BDP1: variants seen among roughly 807,000 people sequenced by gnomAD.
BDP1 encodes transcription factor TFIIIB component B'' homolog.
Under a neutral mutation model 266.6 loss-of-function variants are expected in BDP1, and 169 were observed. The observed-to-expected ratio is 0.63, with a 90% CI of 0.56 to 0.72. BDP1 has a LOEUF of 0.72. Ranked by LOEUF, BDP1 falls within the 30% of genes least tolerant of loss-of-function variation. The probability of loss-of-function intolerance (pLI) is 0.00; values close to 1 mark genes in which losing one functional copy is unlikely to be tolerated. For missense variants in BDP1, 3,015 were observed against 3,053.8 expected (o/e 0.99, Z 0.30); for synonymous variants, 1,090 against 1,022.4 (o/e 1.07, Z -1.26).
At chr5:71,489,786 C>CA in intron 10 of BDP1, 104 bp downstream of exon 10, 24 of 937,460 alleles carry the variant, frequency 2.6e-5, no homozygotes, top group South Asian at 5.1e-5. Flanking sequence ...ATTAATGATG[C>CA]TTATTAATTG....
intron 22 of BDP1, among the ~76,000 whole-genome samples, chr5:71,520,551 T>C (rs1201048714): frequency 1.3e-5 from 2 of 152,214 alleles, no homozygotes; most frequent in African/African-American, 4.8e-5. Context: ...TTCTCCTAAT[T>C]ACTAATTATG....
chr5:71,474,285 A>T (rs1196798515), intron 7 of BDP1, among the ~76,000 whole-genome samples: 9 of 148,184 alleles, frequency 6.1e-5, no homozygotes, highest in Non-Finnish European at 1.3e-4. Flanking sequence ...TGGCCTGTAC[A>T]TTTCCTTTTA....
At chr5:71,575,214 T>G in the BDP1 span, among the ~76,000 whole-genome samples, 2 of 152,148 alleles carry the variant, frequency 1.3e-5, no homozygotes, top group East Asian at 3.8e-4. Flanking sequence ...GTGGAAAAGG[T>G]CTGGGGAGGT....
At chr5:71,503,137 C>T (rs990164720) in intron 15 of BDP1, among the ~76,000 whole-genome samples, 1 of 151,920 alleles carries the variant, frequency 6.6e-6, no homozygotes, top group African/African-American at 2.4e-5. Context: ...CAGGCTCACA[C>T]CACCACGCCT....
In BDP1 at chr5:71,467,421, C is replaced by T. The variant is rs374639279; in HGVS notation, c.853C>T (p.Arg285Cys). ...TGAAGAAAATGACCCCATATTTGAG[C>T]GCGGTTCTACAACTACATACTCCAG... The part of the protein sequence containing the change: ...VVEENDPIFE[R>C]GSTTTYSSFR... Residue 285 changes from arginine to cysteine, a missense_variant, in exon 6 of 39, where the codon CGC (arginine) becomes TGC (cysteine). Around this residue, in one of 3 missense-constraint regions of BDP1, gnomAD observed 2,383 missense variants for 2,404.9 expected, o/e 0.99. Transcript: ENST00000358731. 5.9e-5 allele frequency: 95 copies of T among 1,609,580 alleles called. 1 individual carries two copies. Among genetic ancestry groups the T allele is most frequent in the African/African-American group, 4.9e-4 (37 of 74,906 alleles).
chr5:71,497,922 G>C (rs1763989722), intron 13 of BDP1, among the ~76,000 whole-genome samples: 1 of 152,082 alleles, frequency 6.6e-6, no homozygotes, highest in African/African-American at 2.4e-5. Context: ...CCCAGTAGCT[G>C]GGACTACAGG....
chr5:71,520,714 TGAA>T (rs1765450247), intron 22 of BDP1, among the ~76,000 whole-genome samples: 1 of 152,114 alleles, frequency 6.6e-6, no homozygotes, highest in Non-Finnish European at 1.5e-5. Flanking sequence ...TAGGAATAAA[TGAA>T]GAAAAAAATG....
At chr5:71,556,952 TGC>T (rs1743259026) in intron 36 of BDP1, 27 bp downstream of exon 36, 1 of 1,341,380 alleles carries the variant, frequency 7.5e-7, no homozygotes, top group Non-Finnish European at 1.0e-6. Context: ...TTAACATGAT[TGC>T]ATTTTGCTAA....
At chr5:71,534,703 G>A (rs778200300) in intron 26 of BDP1, among the ~76,000 whole-genome samples, 4 of 152,056 alleles carry the variant, frequency 2.6e-5, no homozygotes, top group East Asian at 1.9e-4. Flanking sequence ...GTGCAATGGC[G>A]CGATCTTGGC....
At chr5:71,490,176 G>A (rs1394230806) in intron 10 of BDP1, among the ~76,000 whole-genome samples, 1 of 152,150 alleles carries the variant, frequency 6.6e-6, no homozygotes, top group Non-Finnish European at 1.5e-5. Flanking sequence ...TTGAGGGGGA[G>A]TCTTGGTCCC....
downstream of BDP1, among the ~76,000 whole-genome samples, chr5:71,571,863 C>T (rs1328777998): frequency 1.3e-5 from 2 of 152,156 alleles, no homozygotes; most frequent in Non-Finnish European, 2.9e-5. Flanking sequence ...CTCAGCAGGT[C>T]CACCTGCCTC....
chr5:71,476,317 T>G (rs1278620501), intron 7 of BDP1: 1 of 152,590 alleles, frequency 6.6e-6, no homozygotes, highest in Non-Finnish European at 1.5e-5. Context: ...CTGAACCAGC[T>G]GTTTATTGGT....
rs1764844228 is a variant in BDP1 at position 71,510,419 on chromosome 5, G to A, written c.3327G>A (p.Lys1109=). Residue 1109 remains lysine (K), a synonymous_variant, in exon 17 of 39, where the codon AAG becomes AAA. Transcript: ENST00000358731. ...SPQENGLEEV[K]PLGEMQTDLK... is the part of the protein sequence containing the mutation. ...AGGAAAATGGCCTAGAGGAGGTTAA[G>A]CCTCTAGGTGAAATGCAAACAGATT... 1.2e-6 allele frequency: 2 copies of A among 1,613,988 alleles called. No individual in the cohort carries two copies. Among genetic ancestry groups the A allele is most frequent in the Non-Finnish European group, 8.5e-7 (1 of 1,179,950 alleles).
At chr5:71,538,399 T>C (rs1195748157) in intron 26 of BDP1, among the ~76,000 whole-genome samples, 1 of 152,190 alleles carries the variant, frequency 6.6e-6, no homozygotes, top group Non-Finnish European at 1.5e-5. Context: ...CATGCTGAGC[T>C]GGGAGGAAGG....
chr5:71,577,465 A>G, the BDP1 span, among the ~76,000 whole-genome samples: 4 of 152,322 alleles, frequency 2.6e-5, no homozygotes, highest in African/African-American at 9.6e-5. Flanking sequence ...CCACGATTCT[A>G]TGGTTAGGGG....
chr5:71,495,157 T>A (rs886991316), intron 11 of BDP1, 93 bp from the exon 12 acceptor site: 2 of 722,482 alleles, frequency 2.8e-6, no homozygotes, highest in Non-Finnish European at 4.0e-6. Flanking sequence ...TCTTGCAAAA[T>A]GGTGATTTTG....
At chr5:71,573,929 A>G in the BDP1 span, among the ~76,000 whole-genome samples, 67,515 of 152,126 alleles carry the variant, frequency 0.44, 15,385 homozygotes, top group South Asian at 0.55. Flanking sequence ...AGAGGCAGTG[A>G]AGCGTCAGAT....
chr5:71,491,315 G>A (rs1763577748), intron 11 of BDP1, among the ~76,000 whole-genome samples, 184 bp downstream of exon 11: 1 of 151,992 alleles, frequency 6.6e-6, no homozygotes, highest in Non-Finnish European at 1.5e-5. Context: ...TTGTCTTGGT[G>A]AAATTCCCTT....
chr5:71,510,864 G>A lies in BDP1; in HGVS notation c.3772G>A (p.Gly1258Arg). ...AAAGGAGATTGATTTGAAAGAAACT[G>A]GAAAAAGAGACATTCCCATCATGGA... ...REKEIDLKET[G>R]KRDIPIMEKV... The change falls in exon 17 of 39, where the codon GGA (glycine) becomes AGA (arginine). Residue 1258 changes from glycine to arginine, a missense_variant. Coordinates refer to ENST00000358731, the MANE Select transcript of BDP1 (RefSeq NM_018429.3). The A allele has an allele frequency of 6.2e-7, 1 of 1,613,460 alleles. No individual in the cohort carries two copies. Among genetic ancestry groups the A allele is most frequent in the Non-Finnish European group, 8.5e-7 (1 of 1,179,674 alleles).
Sources: gnomAD v4.1 joint callset for allele counts (sites outside exome capture counted in the v4.1 genomes callset) on GRCh38, gnomAD v4.1.1 for gene constraint, gnomAD v4.1.1 regional missense constraint, MANE v1.5 for transcripts, NCBI Gene and HGNC (gene_info 2026-07-23, HGNC 2026-07-21) for gene names.